Variants in CNTN5 observed in about 807,000 individuals in gnomAD.
CNTN5 encodes the protein contactin-5.
Under a neutral mutation model 129.1 loss-of-function variants are expected in CNTN5, and 77 were observed. The ratio of observed to expected loss-of-function variants is 0.60; its 90% CI spans 0.50 to 0.72. The LOEUF (loss-of-function observed/expected upper bound fraction) is 0.72, where lower values mean the gene tolerates loss of function less well. Among genes scored for constraint, CNTN5 ranks in the 30% least tolerant of loss-of-function variants. The pLI, the probability that CNTN5 is intolerant of heterozygous loss-of-function variation, is 0.00. For synonymous variants in CNTN5, 509 were observed against 465.6 expected, an observed-to-expected ratio of 1.09 and a Z score of -1.20; for missense variants, 1,478 against 1,328.8, an observed-to-expected ratio of 1.11 and a Z score of -1.75.
intron 3 of CNTN5, among the ~76,000 whole-genome samples, chr11:99,658,979 C>A (rs1371334023): frequency 6.6e-6 from 1 of 151,256 alleles, no homozygotes; most frequent in Non-Finnish European, 1.5e-5. Flanking sequence ...TCCTACACAA[C>A]ATTTACAGGG....
At chr11:99,621,965 A>G (rs1950964785) in intron 3 of CNTN5, among the ~76,000 whole-genome samples, 1 of 152,138 alleles carries the variant, frequency 6.6e-6, no homozygotes, top group Non-Finnish European at 1.5e-5. Context: ...TAGCTGACTG[A>G]ATTCTCTAAC....
chr11:99,244,694 A>G (rs923097646), intron 1 of CNTN5, among the ~76,000 whole-genome samples: 3 of 152,160 alleles, frequency 2.0e-5, no homozygotes, highest in Admixed American at 2.0e-4. Context: ...ACTGAGTCCT[A>G]CTACATACAT....
In CNTN5 at chr11:100,340,548, G is replaced by T. The variant is rs763658461; in HGVS notation, c.2816G>T (p.Gly939Val). ...AATGAGTCTTTCGTCATCCTAACAGGATTAGAAGGAAATACGTTATATCAC... is the reference window on the plus strand; with the variant it reads ...AATGAGTCTTTCGTCATCCTAACAGTATTAGAAGGAAATACGTTATATCAC... ...RGNESFVILT[G>V]LEGNTLYHFT... The change falls in exon 22 of 25, where the codon GGA becomes GTA. Residue 939 changes from glycine (G) to valine (V), a missense_variant. Physicochemically the swap from Gly to Val is moderately radical, Grantham distance 109. Coordinates refer to ENST00000524871, the MANE Select transcript of CNTN5 (RefSeq NM_014361.4). 6.2e-7 allele frequency: 1 copy of T among 1,613,166 alleles called. No homozygotes were observed. Among genetic ancestry groups the T allele is most frequent in the South Asian group, 1.1e-5 (1 of 90,916 alleles).
chr11:99,272,460 G>A (rs1057477048), intron 1 of CNTN5, among the ~76,000 whole-genome samples: 2 of 151,690 alleles, frequency 1.3e-5, no homozygotes, highest in African/African-American at 4.8e-5. Context: ...TGTTACTCAT[G>A]CCAGCCTCAA....
chr11:99,739,408 C>T (rs978108992), intron 3 of CNTN5, among the ~76,000 whole-genome samples: 1 of 151,772 alleles, frequency 6.6e-6, no homozygotes, highest in Non-Finnish European at 1.5e-5. Flanking sequence ...AACTTCAAGA[C>T]AGATTGTATT....
intron 3 of CNTN5, among the ~76,000 whole-genome samples, chr11:99,658,084 T>C (rs1319115352): frequency 6.6e-6 from 1 of 152,140 alleles, no homozygotes; most frequent in African/African-American, 2.4e-5. Flanking sequence ...TGCTAGGATG[T>C]AGCTGTGAAC....
chr11:99,650,489 A>G (rs183314344), intron 3 of CNTN5, among the ~76,000 whole-genome samples: 33 of 152,090 alleles, frequency 2.2e-4, no homozygotes, highest in Admixed American at 1.4e-3. Context: ...TCTCAGCCAG[A>G]TAGCACCATA....
chr11:99,800,075 T>C (rs1387210758), intron 3 of CNTN5, among the ~76,000 whole-genome samples: 1 of 152,106 alleles, frequency 6.6e-6, no homozygotes, highest in Non-Finnish European at 1.5e-5. Flanking sequence ...TCTGTTTTTT[T>C]CTAACTTTTT....
chr11:100,064,420 A>T (rs181628226), intron 10 of CNTN5, among the ~76,000 whole-genome samples: 65 of 152,284 alleles, frequency 4.3e-4, no homozygotes, highest in Admixed American at 3.0e-3. Context: ...ATAAAACAAC[A>T]AATGATACAA....
At chr11:100,073,885 C>T (rs948251693) in intron 12 of CNTN5, among the ~76,000 whole-genome samples, 1 of 152,044 alleles carries the variant, frequency 6.6e-6, no homozygotes, top group African/African-American at 2.4e-5. Flanking sequence ...AGTTGGTAAT[C>T]ATAATTAGAA....
At chr11:99,956,434 A>G (rs1043023626) in intron 7 of CNTN5, among the ~76,000 whole-genome samples, 3 of 152,152 alleles carry the variant, frequency 2.0e-5, no homozygotes, top group Non-Finnish European at 4.4e-5. Flanking sequence ...GTATCTTCTT[A>G]TTCTACATTG....
At chr11:99,836,681 T>C (rs1947318359) in intron 4 of CNTN5, among the ~76,000 whole-genome samples, 1 of 152,160 alleles carries the variant, frequency 6.6e-6, no homozygotes, top group Non-Finnish European at 1.5e-5. Context: ...CTGGGTCAAA[T>C]GGTATTTCTA....
At position 99,609,943 on chromosome 11, in the gene CNTN5, A is replaced by C. The variant is rs574298446; in HGVS notation, c.55+53674A>C. Among the ~76,000 whole-genome samples the C allele has an allele frequency of 5.3e-5, 8 of 152,270 alleles. No individual in the cohort carries two copies. In the South Asian group the frequency reaches 1.7e-3, roughly 32 times the overall value. On this transcript the variant is annotated intron_variant, in intron 3 of 24. Coordinates refer to ENST00000524871, the MANE Select transcript of CNTN5 (RefSeq NM_014361.4). ...GGAAATTCCTCATGTTCTATGTGCC[A>C]GGCACTATGTATAGTGATTCACATG... is the stretch of plus-strand genomic sequence containing the variant.
At chr11:99,760,782 A>G in intron 3 of CNTN5, among the ~76,000 whole-genome samples, 1 of 152,054 alleles carries the variant, frequency 6.6e-6, no homozygotes, top group East Asian at 1.9e-4. Flanking sequence ...GTTCATATAA[A>G]AATCCAAATT....
At chr11:99,727,521 T>C (rs1456497938) in intron 3 of CNTN5, among the ~76,000 whole-genome samples, 2 of 151,934 alleles carry the variant, frequency 1.3e-5, no homozygotes, top group African/African-American at 2.4e-5. Context: ...CTTAATTGTT[T>C]CATAGTTGTA....
At chr11:99,711,714 G>A (rs926480230) in intron 3 of CNTN5, among the ~76,000 whole-genome samples, 1 of 151,932 alleles carries the variant, frequency 6.6e-6, no homozygotes, top group African/African-American at 2.4e-5. Flanking sequence ...TCCCACTTAT[G>A]AGTGAGACCA....
intron 2 of CNTN5, among the ~76,000 whole-genome samples, chr11:99,436,650 A>G (rs1943611160): frequency 6.6e-6 from 1 of 152,170 alleles, no homozygotes; most frequent in Non-Finnish European, 1.5e-5. Flanking sequence ...CCTCCAGATT[A>G]CTTCTGACAA....
At chr11:100,306,101 C>A (rs1951342395) in intron 20 of CNTN5, among the ~76,000 whole-genome samples, 1 of 151,358 alleles carries the variant, frequency 6.6e-6, no homozygotes, top group Non-Finnish European at 1.5e-5. Flanking sequence ...TTCTTCAGTT[C>A]TTGTTTGATT....
intron 6 of CNTN5, among the ~76,000 whole-genome samples, chr11:99,863,845 A>T (rs1272063231): frequency 6.6e-6 from 1 of 152,216 alleles, no homozygotes; most frequent in East Asian, 1.9e-4. Flanking sequence ...CTGAGCTTTC[A>T]AAAATTTGCT....
Sources: allele counts gnomAD v4.1 joint callset (sites outside exome capture counted in the v4.1 genomes callset), GRCh38; gene constraint gnomAD v4.1.1; transcripts MANE v1.5; gene names NCBI Gene and HGNC (gene_info 2026-07-23, HGNC 2026-07-21).